PRR16: variants seen among roughly 807,000 people sequenced by gnomAD.
PRR16 encodes the protein protein Largen.
PRR16 carries 6 observed loss-of-function variants against 18.2 expected under a neutral mutation model. The ratio of observed to expected loss-of-function variants is 0.33; its 90% CI spans 0.18 to 0.65. The LOEUF (loss-of-function observed/expected upper bound fraction) is 0.65. Ranked by LOEUF, PRR16 falls within the 30% of genes least tolerant of loss-of-function variation. The pLI is 0.74. For synonymous variants in PRR16, 151 were observed against 147.8 expected (o/e 1.02, Z -0.16); for missense variants, 412 against 376.6 (o/e 1.09, Z -0.78).
chr5:120,678,226 T>C (rs1043513247), intron 1 of PRR16, among the ~76,000 whole-genome samples: 1 of 152,152 alleles, frequency 6.6e-6, no homozygotes, highest in African/African-American at 2.4e-5. Context: ...AGCAAGGCTT[T>C]ACGAGTTAGG....
chr5:120,496,717 C>T (rs1383195661), intron 1 of PRR16, among the ~76,000 whole-genome samples: 4 of 151,608 alleles, frequency 2.6e-5, no homozygotes, highest in African/African-American at 7.3e-5. Context: ...GTTTTTGCTC[C>T]TATATTTATT....
rs7704039 is a variant in PRR16, at chr5:120,505,948, A to G, written c.159+41303A>G. On this transcript the variant is annotated intron_variant, in intron 1 of 1. Coordinates refer to ENST00000407149, the MANE Select transcript of PRR16 (RefSeq NM_001300783.2). ...TATATGTGTGTATGTGTGTGTGTGT[A>G]TATATATATATATATATATATACAC... is the stretch of plus-strand genomic sequence containing the variant. Among the ~76,000 whole-genome samples the G allele has an allele frequency of 6.4e-3, 541 of 84,324 alleles. 1 individual carries two copies. Among genetic ancestry groups the G allele is most frequent in the African/African-American group, 0.025 (406 of 16,276 alleles). 55.3% of individuals were successfully genotyped at this position (84,324 alleles called of 152,430 possible).
chr5:120,777,898 ACTC>A, the PRR16 span, among the ~76,000 whole-genome samples: 1 of 152,056 alleles, frequency 6.6e-6, no homozygotes, highest in Non-Finnish European at 1.5e-5. Context: ...ACTTTATTAG[ACTC>A]TATCTGAACC....
the PRR16 span, among the ~76,000 whole-genome samples, chr5:120,737,302 GTTGAGTTTTTT>G: frequency 1.8e-5 from 1 of 55,412 alleles, no homozygotes; most frequent in East Asian, 1.0e-3. Context: ...TTCCTAGTTT[GTTGAGTTTTTT>G]TTTTTTTTTT....
At chr5:120,534,541 CT>C (rs1751654094) in intron 1 of PRR16, among the ~76,000 whole-genome samples, 2 of 151,966 alleles carry the variant, frequency 1.3e-5, no homozygotes. Flanking sequence ...TGGAATGTAT[CT>C]TTTTTGTATA....
intron 1 of PRR16, among the ~76,000 whole-genome samples, chr5:120,580,621 A>T (rs559807686): frequency 2.0e-5 from 3 of 151,504 alleles, no homozygotes; most frequent in Admixed American, 6.6e-5. Flanking sequence ...CACCCGGCTA[A>T]TTTTTTTGTA....
At chr5:120,571,376 G>T (rs1334872743) in intron 1 of PRR16, among the ~76,000 whole-genome samples, 1 of 152,104 alleles carries the variant, frequency 6.6e-6, no homozygotes. Context: ...TGTGTTCCAG[G>T]AACTTCAGTG....
At chr5:120,752,934 T>C in the PRR16 span, among the ~76,000 whole-genome samples, 1 of 151,376 alleles carries the variant, frequency 6.6e-6, no homozygotes, top group Non-Finnish European at 1.5e-5. Flanking sequence ...GTAAGACTTT[T>C]TCATCTCTTT....
intron 1 of PRR16, among the ~76,000 whole-genome samples, chr5:120,574,064 C>G (rs1172840825): frequency 6.6e-6 from 1 of 151,872 alleles, no homozygotes; most frequent in African/African-American, 2.4e-5. Context: ...TACAGAAGCT[C>G]TAACTGTAAT....
At chr5:120,622,769 G>A (rs755150862) in intron 1 of PRR16, among the ~76,000 whole-genome samples, 4 of 151,756 alleles carry the variant, frequency 2.6e-5, no homozygotes, top group African/African-American at 7.3e-5. Context: ...GAGCCACCAC[G>A]CCCAGCCACA....
At chr5:120,544,676 A>G (rs1444033071) in intron 1 of PRR16, among the ~76,000 whole-genome samples, 1 of 152,060 alleles carries the variant, frequency 6.6e-6, no homozygotes, top group Non-Finnish European at 1.5e-5. Flanking sequence ...TCACACTCAC[A>G]TTCATAAAGT....
intron 1 of PRR16, among the ~76,000 whole-genome samples, chr5:120,562,924 A>G (rs987666797): frequency 6.6e-6 from 1 of 152,146 alleles, no homozygotes; most frequent in Admixed American, 6.5e-5. Flanking sequence ...TTCTAATTAC[A>G]GTGTTATAAT....
At chr5:120,712,512 G>A in the PRR16 span, among the ~76,000 whole-genome samples, 1,196 of 152,084 alleles carry the variant, frequency 7.9e-3, 8 homozygotes, top group Middle Eastern at 0.028. Context: ...ACAAAAAGAA[G>A]GGGAACCTTA....
intron 1 of PRR16, among the ~76,000 whole-genome samples, chr5:120,549,772 A>G (rs902829842): frequency 2.0e-5 from 3 of 152,070 alleles, no homozygotes; most frequent in Non-Finnish European, 2.9e-5. Context: ...TTTGAAAATT[A>G]ATTAATTTAA....
chr5:120,755,185 T>TATA, the PRR16 span, among the ~76,000 whole-genome samples: 1 of 151,580 alleles, frequency 6.6e-6, no homozygotes, highest in Non-Finnish European at 1.5e-5. Flanking sequence ...AAACTTAGAG[T>TATA]ATAATAATAA....
chr5:120,511,580 C>T (rs17146713), intron 1 of PRR16, among the ~76,000 whole-genome samples: 6,325 of 152,148 alleles, frequency 0.042, 268 homozygotes, highest in African/African-American at 0.11. Context: ...TTGCTGCCTC[C>T]GCTCCCCTAC....
At chr5:120,637,675 AGACTATACATTG>A (rs2112850944) in intron 1 of PRR16, among the ~76,000 whole-genome samples, 1 of 152,210 alleles carries the variant, frequency 6.6e-6, no homozygotes, top group East Asian at 1.9e-4. Context: ...AAGAGATAAA[AGACTATACATTG>A]GGTACAGGGC....
chr5:120,725,286 TTG>T, the PRR16 span, among the ~76,000 whole-genome samples: 1 of 143,288 alleles, frequency 7.0e-6, no homozygotes, highest in African/African-American at 2.6e-5. Flanking sequence ...CTCCTTGTGG[TTG>T]TAAATTTGAT....
the PRR16 span, among the ~76,000 whole-genome samples, chr5:120,749,725 GTAAATAGAAAGA>G: frequency 6.6e-6 from 1 of 152,050 alleles, no homozygotes; most frequent in Admixed American, 6.6e-5. Flanking sequence ...AAGAGCAAGA[GTAAATAGAAAGA>G]ATTCTGTATA....
Sources: gnomAD v4.1 joint callset for allele counts (sites outside exome capture counted in the v4.1 genomes callset) on GRCh38, gnomAD v4.1.1 for gene constraint, MANE v1.5 for transcripts, NCBI Gene and HGNC (gene_info 2026-07-23, HGNC 2026-07-21) for gene names.